SHISA9: variants seen among roughly 807,000 people sequenced by gnomAD.
The protein encoded by SHISA9 is protein shisa-9.
In SHISA9, 13 loss-of-function variants were observed where a neutral mutation model predicts 38.0. That is an observed-to-expected ratio of 0.34 (90% confidence interval 0.22 to 0.54). SHISA9 has a LOEUF of 0.54. SHISA9 is among the 20% of genes least tolerant of loss of function. SHISA9 has a pLI of 0.91. For missense variants in SHISA9, 538 were observed against 575.8 expected (o/e 0.93, Z 0.67); for synonymous variants, 275 against 242.0 (o/e 1.14, Z -1.27).
the SHISA9 span, among the ~76,000 whole-genome samples, chr16:13,539,598 G>C: frequency 6.6e-6 from 1 of 151,900 alleles, no homozygotes; most frequent in Non-Finnish European, 1.5e-5. Context: ...GGTTTGATTT[G>C]AATTTCCAAC....
At chr16:13,344,796 C>A in the SHISA9 span, among the ~76,000 whole-genome samples, 1 of 152,076 alleles carries the variant, frequency 6.6e-6, no homozygotes, top group African/African-American at 2.4e-5. Context: ...TGACAGAGTC[C>A]AAGTCTGAGC....
At chr16:13,415,041 A>C in the SHISA9 span, among the ~76,000 whole-genome samples, 2 of 152,178 alleles carry the variant, frequency 1.3e-5, no homozygotes, top group African/African-American at 2.4e-5. Context: ...ATTTGAACAC[A>C]ATTCGAACTG....
chr16:13,034,139 T>C (rs951429684), intron 2 of SHISA9, among the ~76,000 whole-genome samples: 1 of 93,180 alleles, frequency 1.1e-5, no homozygotes, highest in African/African-American at 5.1e-5. Flanking sequence ...GAATGGAAAC[T>C]CCATCTCAAA....
chr16:13,479,574 T>A, the SHISA9 span, among the ~76,000 whole-genome samples: 1 of 151,908 alleles, frequency 6.6e-6, no homozygotes, highest in East Asian at 1.9e-4. Context: ...CATTTCATCA[T>A]GCAATTAATT....
the SHISA9 span, among the ~76,000 whole-genome samples, chr16:13,320,116 C>T: frequency 6.6e-6 from 1 of 151,446 alleles, no homozygotes; most frequent in Non-Finnish European, 1.5e-5. Context: ...CATGGTGAAA[C>T]CCCGTCTCTA....
chr16:13,444,061 G>A, the SHISA9 span, among the ~76,000 whole-genome samples: 3 of 149,174 alleles, frequency 2.0e-5, no homozygotes, highest in African/African-American at 5.0e-5. Flanking sequence ...CACCAAGACT[G>A]GTTTGTTTCC....
At chr16:13,118,577 T>G (rs1172271469) in intron 2 of SHISA9, among the ~76,000 whole-genome samples, 2 of 152,002 alleles carry the variant, frequency 1.3e-5, no homozygotes, top group South Asian at 2.1e-4. Context: ...GAAAAACAGA[T>G]TTTGAGTAAG....
chr16:13,454,215 G>A, the SHISA9 span, among the ~76,000 whole-genome samples: 1 of 152,136 alleles, frequency 6.6e-6, no homozygotes, highest in Non-Finnish European at 1.5e-5. Context: ...TGTATACCTT[G>A]TTTTCCTATA....
chr16:12,934,621 A>C (rs1023713514), intron 2 of SHISA9, among the ~76,000 whole-genome samples: 3 of 152,208 alleles, frequency 2.0e-5, no homozygotes, highest in African/African-American at 7.2e-5. Context: ...GTTATGTCTC[A>C]AGGCAATACA....
intron 4 of SHISA9, among the ~76,000 whole-genome samples, chr16:13,229,201 G>A (rs1335460722): frequency 6.6e-6 from 1 of 152,208 alleles, no homozygotes; most frequent in African/African-American, 2.4e-5. Flanking sequence ...CCAGGAACTA[G>A]GCTGGACATT....
chr16:12,969,384 C>G (rs1371127793), intron 2 of SHISA9, among the ~76,000 whole-genome samples: 1 of 148,068 alleles, frequency 6.8e-6, no homozygotes, highest in Non-Finnish European at 1.5e-5. Flanking sequence ...GCTGATTATG[C>G]TATAGTGCTC....
rs373481516 is a variant in SHISA9, at chr16:12,977,225, C to T, written c.691+60410C>T. On this transcript the variant is annotated intron_variant, in intron 2 of 4. Coordinates refer to ENST00000558583, the MANE Select transcript of SHISA9 (RefSeq NM_001145204.3). ...CCTGGGTGGATAATCCTATAGTAGG[C>T]ACTGGGGTTGCGTAAATGAAAGAAA... Among the ~76,000 whole-genome samples the T allele has an allele frequency of 1.8e-4, 27 of 152,182 alleles. 1 individual carries two copies. The South Asian group carries it at 4.8e-3, about 27-fold the overall frequency.
intron 2 of SHISA9, among the ~76,000 whole-genome samples, chr16:12,928,587 T>C (rs1567342395): frequency 1.3e-5 from 2 of 152,206 alleles, no homozygotes; most frequent in African/African-American, 4.8e-5. Flanking sequence ...GACTTCATTG[T>C]TATTGGTGTA....
At chr16:13,462,901 G>T in the SHISA9 span, among the ~76,000 whole-genome samples, 7 of 152,182 alleles carry the variant, frequency 4.6e-5, no homozygotes, top group East Asian at 1.9e-4. Flanking sequence ...GGCAGAGGTT[G>T]CAGGGAGCCG....
intron 2 of SHISA9, among the ~76,000 whole-genome samples, chr16:13,037,083 CCACACCACACA>C (rs1567190742): frequency 3.4e-3 from 235 of 69,230 alleles, no homozygotes; most frequent in Non-Finnish European, 5.2e-3. Context: ...CACACACACA[CCACACCACACA>C]CACACACACA....
the SHISA9 span, among the ~76,000 whole-genome samples, chr16:13,534,336 T>C: frequency 2.0e-5 from 3 of 151,890 alleles, no homozygotes; most frequent in African/African-American, 4.8e-5. Flanking sequence ...GTGATTCTCA[T>C]GTCTCAGCCT....
chr16:13,245,930 A>G, the SHISA9 span, among the ~76,000 whole-genome samples: 18 of 152,304 alleles, frequency 1.2e-4, no homozygotes, highest in Non-Finnish European at 1.5e-5. Flanking sequence ...ATAGCCCTTT[A>G]TTAATTAACT....
chr16:13,008,650 C>T (rs2072629433), intron 2 of SHISA9, among the ~76,000 whole-genome samples: 1 of 70,802 alleles, frequency 1.4e-5, no homozygotes, highest in Non-Finnish European at 2.9e-5. Flanking sequence ...TCCCTCCCTC[C>T]CTCCCTCCCT....
chr16:13,539,316 ATAAAG>A, the SHISA9 span, among the ~76,000 whole-genome samples: 30,817 of 84,526 alleles, frequency 0.36, 6,548 homozygotes, highest in East Asian at 0.67. Flanking sequence ...ATATATATAT[ATAAAG>A]ACAGGATCTT....
Sources: allele counts gnomAD v4.1 joint callset (sites outside exome capture counted in the v4.1 genomes callset), GRCh38; gene constraint gnomAD v4.1.1; transcripts MANE v1.5; gene names NCBI Gene and HGNC (gene_info 2026-07-23, HGNC 2026-07-21).